Variants in VWA8 observed in about 807,000 individuals in gnomAD.
VWA8 encodes von Willebrand factor A domain-containing protein 8.
Under a neutral mutation model 241.5 loss-of-function variants are expected in VWA8, and 221 were observed. That is an observed-to-expected ratio of 0.91 (90% CI 0.82 to 1.02). The LOEUF (loss-of-function observed/expected upper bound fraction) is 1.02, where lower values mean the gene tolerates loss of function less well. Among genes scored for constraint, VWA8 ranks in the 50% least tolerant of loss-of-function variants. The pLI is 0.00. For synonymous variants in VWA8, 852 were observed against 827.1 expected (o/e 1.03, Z -0.52); for missense variants, 2,322 against 2,328.7 (o/e 1.00, Z 0.06).
rs1236023863 is a variant in VWA8, at chr13:41,784,745, T to TATATATATATACACACAC, written c.2171-845_2171-844insGTGTGTGTATATATATAT. Among the ~76,000 whole-genome samples the TATATATATATACACACAC allele has an allele frequency of 7.8e-3, 800 of 102,234 alleles. 36 individuals carry two copies. The highest frequency in any genetic ancestry group is 0.054 in the Middle Eastern group (11 of 202). 67.1% of individuals were successfully genotyped at this position (102,234 alleles called of 152,430 possible). On this transcript the variant is annotated intron_variant, in intron 18 of 44. Transcript: ENST00000379310. Reference sequence around the variant, plus strand: ...ATATATATATACACACACATATATATATATATATATATATATACACACACA... The same window carrying TATATATATATACACACAC: ...ATATATATATACACACACATATATATATATATATATACACACACATATATATATATATATACACACACA...
At chr13:41,831,148 T>C (rs974310034) in intron 13 of VWA8, among the ~76,000 whole-genome samples, 1 of 152,216 alleles carries the variant, frequency 6.6e-6, no homozygotes, top group Non-Finnish European at 1.5e-5. Context: ...ACATCACACA[T>C]AGCATAGTCT....
Position 41,950,028 on chromosome 13 carries a change from T to A in VWA8, c.164-15A>T. Reference sequence around the variant, plus strand: ...AACTGTATCACCTAAAAAGAGATTTTAAAAACAGAATAATTATAAGAGACA... The same window carrying A: ...AACTGTATCACCTAAAAAGAGATTTAAAAAACAGAATAATTATAAGAGACA... On this transcript the variant is annotated splice_polypyrimidine_tract_variant and intron_variant, in intron 1 of 44. Coordinates refer to ENST00000379310, the MANE Select transcript of VWA8 (RefSeq NM_015058.2). 1 of 1,461,522 alleles carries A rather than the reference T, an allele frequency of 6.8e-7. No individual in the cohort carries two copies. The highest frequency in any genetic ancestry group is 2.4e-5 in the East Asian group (1 of 42,028). The allele number at this position is 1,461,522 out of a possible 1,614,324, so 90.5% of individuals were successfully genotyped here. A position where few individuals can be genotyped will look rare whatever the true frequency, so the allele number is the denominator to read the frequency against.
chr13:41,732,014 A>T, intron 22 of VWA8, 66 bp downstream of exon 22: 1 of 1,450,848 alleles, frequency 6.9e-7, no homozygotes, highest in Non-Finnish European at 9.6e-7. Flanking sequence ...TCCATCCTCC[A>T]AAAACTGAAA....
At chr13:41,569,271 T>C (rs1039209517) in intron 44 of VWA8, among the ~76,000 whole-genome samples, 2 of 152,240 alleles carry the variant, frequency 1.3e-5, no homozygotes, top group South Asian at 2.1e-4. Context: ...ATCTGTTCAC[T>C]AGAAAGACAA....
intron 43 of VWA8, among the ~76,000 whole-genome samples, chr13:41,572,193 CCCGCCAG>C (rs2044311829): frequency 6.6e-6 from 1 of 151,360 alleles, no homozygotes; most frequent in Non-Finnish European, 1.5e-5. Context: ...CAGCCCCCGC[CCCGCCAG>C]CCGCCCCGTC....
At position 41,890,637 on chromosome 13, in the gene VWA8, C is replaced by G. The variant is rs115591172; in HGVS notation, c.651+783G>C. ...TTTTAAGCACCTACCATGTGCCAGCCATTGATCTAGGAACTTGAGATAATA... is the reference window on the plus strand; with the variant it reads ...TTTTAAGCACCTACCATGTGCCAGCGATTGATCTAGGAACTTGAGATAATA... On this transcript the variant is annotated intron_variant, in intron 5 of 44. Coordinates refer to ENST00000379310, the MANE Select transcript of VWA8 (RefSeq NM_015058.2). Among the ~76,000 whole-genome samples, 1,051 of 152,314 alleles carry G rather than the reference C, an allele frequency of 6.9e-3. 7 individuals carry two copies. Among genetic ancestry groups the G allele is most frequent in the African/African-American group, 0.024 (996 of 41,570 alleles).
At position 41,639,901 on chromosome 13, in the gene VWA8, C is replaced by T. The variant is rs374754369; in HGVS notation, c.4612-24817G>A. On this transcript the variant is annotated intron_variant, in intron 37 of 44. Transcript: ENST00000379310. ...TGACATGCAATTTACCCATGTAACT[C>T]ACCTGCACATGTACTCCTGGAACCT... is the stretch of plus-strand genomic sequence containing the variant. Among the ~76,000 whole-genome samples the T allele has an allele frequency of 5.3e-5, 8 of 152,224 alleles. No individual in the cohort carries two copies. In the South Asian group the frequency reaches 1.7e-3, roughly 32 times the overall value.
intron 26 of VWA8, among the ~76,000 whole-genome samples, chr13:41,713,700 T>C (rs1408607194): frequency 6.6e-6 from 1 of 152,168 alleles, no homozygotes; most frequent in African/African-American, 2.4e-5. Flanking sequence ...TTTAAACCTA[T>C]GCATAAAGAC....
At position 41,929,781 on chromosome 13, in the gene VWA8, T is replaced by A. The variant is rs144720990; in HGVS notation, c.242-17613A>T. ...AACTCTAAATGTAAGACCTGAAATA[T>A]AAAATTCCTAGGAAAAAAGCTCCTG... On this transcript the variant is annotated intron_variant, in intron 2 of 44. Transcript: ENST00000379310. Among the ~76,000 whole-genome samples, 76 of 152,260 alleles carry A rather than the reference T, an allele frequency of 5.0e-4. 2 individuals carry two copies. In the East Asian group the frequency reaches 0.013, roughly 26 times the overall value.
chr13:41,695,114 G>A (rs546437800), intron 29 of VWA8, among the ~76,000 whole-genome samples: 3 of 152,248 alleles, frequency 2.0e-5, no homozygotes, highest in East Asian at 1.9e-4. Flanking sequence ...CTCCTTTAAG[G>A]GGGGCAGGGA....
chr13:41,836,373 A>C (rs1203413522), intron 12 of VWA8, among the ~76,000 whole-genome samples: 2 of 152,206 alleles, frequency 1.3e-5, no homozygotes, highest in Non-Finnish European at 1.5e-5. Context: ...TCACAGCTTC[A>C]GACTGAAAAC....
intron 29 of VWA8, among the ~76,000 whole-genome samples, chr13:41,698,195 A>G (rs2045227351): frequency 6.6e-6 from 1 of 152,072 alleles, no homozygotes; most frequent in African/African-American, 2.4e-5. Context: ...TTTGAGAACA[A>G]GAATTTGTGG....
chr13:41,831,029 T>C (rs903516132), intron 13 of VWA8, among the ~76,000 whole-genome samples: 2 of 152,174 alleles, frequency 1.3e-5, no homozygotes, highest in African/African-American at 4.8e-5. Context: ...AGGGTTGGCA[T>C]AAAAATATTT....
At chr13:41,733,048 C>T (rs9590635) in intron 21 of VWA8, among the ~76,000 whole-genome samples, 44,420 of 152,050 alleles carry the variant, frequency 0.29, 7,025 homozygotes, top group Non-Finnish European at 0.35. Context: ...CTACTTCTTA[C>T]TCAAAGTAAA....
chr13:41,707,070 AG>A (rs1327290095), intron 26 of VWA8, among the ~76,000 whole-genome samples: 25 of 152,374 alleles, frequency 1.6e-4, no homozygotes, highest in Admixed American at 1.5e-3. Flanking sequence ...ACTAAAAGAA[AG>A]GTGAGTATCA....
intron 39 of VWA8, among the ~76,000 whole-genome samples, chr13:41,607,413 T>C (rs2044560087): frequency 6.6e-6 from 1 of 152,234 alleles, no homozygotes; most frequent in African/African-American, 2.4e-5. Context: ...ACAATACCTC[T>C]TGTATTTAGT....
intron 37 of VWA8, among the ~76,000 whole-genome samples, chr13:41,666,257 A>G (rs1446734836): frequency 6.6e-6 from 1 of 152,094 alleles, no homozygotes; most frequent in Non-Finnish European, 1.5e-5. Context: ...TACTCAAACC[A>G]AATTTCTGGT....
At chr13:41,748,120 A>G (rs952561096) in intron 21 of VWA8, among the ~76,000 whole-genome samples, 5 of 152,196 alleles carry the variant, frequency 3.3e-5, no homozygotes, top group African/African-American at 7.2e-5. Context: ...CATAAAATGA[A>G]TTAGGGAGGA....
chr13:41,771,405 G>A (rs1340845356), intron 20 of VWA8, among the ~76,000 whole-genome samples: 1 of 152,126 alleles, frequency 6.6e-6, no homozygotes, highest in Non-Finnish European at 1.5e-5. Flanking sequence ...TTACAGGCGT[G>A]AGCCACCTCG....
Sources: allele counts gnomAD v4.1 joint callset (sites outside exome capture counted in the v4.1 genomes callset), GRCh38; gene constraint gnomAD v4.1.1; transcripts MANE v1.5; gene names NCBI Gene and HGNC (gene_info 2026-07-23, HGNC 2026-07-21).